The following LONP2 variants were observed in gnomAD, a reference collection of about 807,000 sequenced individuals.
LONP2 encodes lon protease homolog 2, peroxisomal.
In LONP2, 60 loss-of-function variants were observed where a neutral mutation model predicts 85.6. That is an observed-to-expected ratio of 0.70 (90% confidence interval 0.57 to 0.87). The LOEUF (loss-of-function observed/expected upper bound fraction) is 0.87. LONP2 is among the 40% of genes least tolerant of loss of function. LONP2 has a pLI of 0.00. For synonymous variants in LONP2, 395 were observed against 389.7 expected, an observed-to-expected ratio of 1.01 and a Z score of -0.16; for missense variants, 860 against 1,063.5, an observed-to-expected ratio of 0.81 and a Z score of 2.66.
intron 14 of LONP2, among the ~76,000 whole-genome samples, chr16:48,348,820 A>G (rs183185002): frequency 6.6e-6 from 1 of 152,172 alleles, no homozygotes; most frequent in Non-Finnish European, 1.5e-5. Context: ...AGATTTGCTA[A>G]GGGAAAAAAA....
At chr16:48,351,120 A>G (rs1437607274) in intron 14 of LONP2, among the ~76,000 whole-genome samples, 2 of 152,172 alleles carry the variant, frequency 1.3e-5, no homozygotes, top group African/African-American at 4.8e-5. Flanking sequence ...TTAGGGATAC[A>G]TTTTCTTCAT....
At chr16:48,257,056 A>G (rs1291470379) in intron 3 of LONP2, among the ~76,000 whole-genome samples, 1 of 152,250 alleles carries the variant, frequency 6.6e-6, no homozygotes, top group Non-Finnish European at 1.5e-5. Flanking sequence ...TCACGCCTGT[A>G]GTCCCAGCAC....
intron 11 of LONP2, among the ~76,000 whole-genome samples, chr16:48,309,659 G>C (rs1203795130): frequency 6.6e-6 from 1 of 152,130 alleles, no homozygotes; most frequent in East Asian, 1.9e-4. Context: ...ATTTTTGAGA[G>C]TTTCTCTTCA....
At position 48,256,289 on chromosome 16, in the gene LONP2, T is replaced by C. The variant is rs1241757520; in HGVS notation, c.469-321T>C. On this transcript the variant is annotated intron_variant, in intron 2 of 14. Transcript: ENST00000285737. ...CTGGAAGAAGGATGTACAGGAGTTA[T>C]TGTATGATTCTTGCAACTTTTTTGT... Among the ~76,000 whole-genome samples the C allele has an allele frequency of 6.6e-5, 10 of 152,240 alleles. No individual in the cohort carries two copies. In the South Asian group the frequency reaches 1.4e-3, roughly 22 times the overall value.
At position 48,356,324 on chromosome 16, in the gene LONP2, C is replaced by T. The variant is rs376272068; in HGVS notation, c.*4522C>T. On this transcript the variant is annotated 3_prime_UTR_variant, in exon 15 of 15. Transcript: ENST00000285737. ...TGAAATGAGGTCAACTTGACTATTA[C>T]TAAGGGACATTTTGCTACAAAGAAT... is the stretch of plus-strand genomic sequence containing the variant. The T allele has an allele frequency of 1.3e-3, 198 of 153,698 alleles. 4 individuals carry two copies. In the South Asian group the frequency reaches 0.02, roughly 15 times the overall value. The allele number at this position is 153,698 out of a possible 1,614,324, so 9.5% of individuals were successfully genotyped here. A position where few individuals can be genotyped will look rare whatever the true frequency, so the allele number is the denominator to read the frequency against.
intron 8 of LONP2, among the ~76,000 whole-genome samples, chr16:48,285,415 A>G (rs1456239689): frequency 3.9e-5 from 6 of 152,070 alleles, no homozygotes; most frequent in African/African-American, 1.4e-4. Flanking sequence ...TATTTCTTCA[A>G]ATATTCTTTA....
At chr16:48,312,506 G>A (rs1237923923) in intron 11 of LONP2, among the ~76,000 whole-genome samples, 1 of 152,020 alleles carries the variant, frequency 6.6e-6, no homozygotes, top group Non-Finnish European at 1.5e-5. Context: ...GTTGAGTAGG[G>A]TCATTTGGCT....
rs988490772 is a variant in LONP2, at chr16:48,309,819, G to A, written c.1795+6514G>A. Among the ~76,000 whole-genome samples the A allele has an allele frequency of 5.9e-5, 9 of 152,206 alleles. No individual in the cohort carries two copies. The South Asian group carries it at 1.0e-3, about 18-fold the overall frequency. On this transcript the variant is annotated intron_variant, in intron 11 of 14. Transcript: ENST00000285737. ...TAATGAGAAAAATGTATCTTTTGTGGTTGTTGGGTAGAATGTTCTGTAAAT... is the reference window on the plus strand; with the variant it reads ...TAATGAGAAAAATGTATCTTTTGTGATTGTTGGGTAGAATGTTCTGTAAAT...
At chr16:48,277,970 G>A (rs58171488) in intron 8 of LONP2, among the ~76,000 whole-genome samples, 2 of 148,498 alleles carry the variant, frequency 1.3e-5, no homozygotes, top group South Asian at 2.1e-4. Flanking sequence ...TTTTTCTTCC[G>A]TTGTCCCCAC....
downstream of LONP2, among the ~76,000 whole-genome samples, chr16:48,359,962 T>C (rs150646457): frequency 4.6e-5 from 7 of 152,356 alleles, no homozygotes; most frequent in East Asian, 1.3e-3. Context: ...AATCTTGCCA[T>C]GTGCCTCAAA....
intron 11 of LONP2, among the ~76,000 whole-genome samples, chr16:48,322,727 T>TA (rs890111125): frequency 3.9e-5 from 6 of 152,086 alleles, no homozygotes; most frequent in African/African-American, 7.2e-5. Flanking sequence ...TATATAAGAA[T>TA]AAAAAATTTT....
In LONP2 at chr16:48,258,618, AT is replaced by A; in HGVS notation, c.605del (p.Leu202Ter). On this transcript the variant is annotated frameshift_variant and splice_region_variant, in exon 4 of 15. Coordinates refer to ENST00000285737, the MANE Select transcript of LONP2 (RefSeq NM_031490.5). LOFTEE classifies it high-confidence loss of function. ...IRTSNKEKLQ[I>X]LDAVSLEERF... ...TATTGATTGACTCACATTTCCTTAGATTTTAGATGCTGTGAGCCTAGAGGAG... is the reference window on the plus strand; with the variant it reads ...TATTGATTGACTCACATTTCCTTAGATTTAGATGCTGTGAGCCTAGAGGAG... 1 of 1,591,678 alleles carries A rather than the reference AT, an allele frequency of 6.3e-7. No homozygotes were observed. Among genetic ancestry groups the A allele is most frequent in the African/African-American group, 1.4e-5 (1 of 73,540 alleles).
At chr16:48,328,401 C>T (rs1026072909) in intron 11 of LONP2, among the ~76,000 whole-genome samples, 5 of 141,874 alleles carry the variant, frequency 3.5e-5, no homozygotes, top group Non-Finnish European at 7.7e-5. Flanking sequence ...AAAATTGGGC[C>T]GGGCGCAGTG....
At chr16:48,253,286 A>G (rs1343151411) in intron 2 of LONP2, among the ~76,000 whole-genome samples, 1 of 151,960 alleles carries the variant, frequency 6.6e-6, no homozygotes, top group Non-Finnish European at 1.5e-5. Context: ...CCTAGGCAGC[A>G]TGGTGAGATC....
At chr16:48,255,141 A>G (rs1357222161) in intron 2 of LONP2, among the ~76,000 whole-genome samples, 1 of 152,158 alleles carries the variant, frequency 6.6e-6, no homozygotes, top group African/African-American at 2.4e-5. Flanking sequence ...TGCTATGTTA[A>G]CTTCTCTGAA....
chr16:48,276,253 T>C (rs574374603), intron 7 of LONP2, among the ~76,000 whole-genome samples: 112 of 152,338 alleles, frequency 7.4e-4, no homozygotes, highest in Non-Finnish European at 1.4e-3. Context: ...ATTCCCATGA[T>C]ATTTTTAAGG....
At chr16:48,270,594 G>T (rs74016367) in intron 7 of LONP2, among the ~76,000 whole-genome samples, 2,087 of 152,198 alleles carry the variant, frequency 0.014, 48 homozygotes, top group African/African-American at 0.048. Flanking sequence ...CCAGTAGCAT[G>T]CCATAAATAA....
downstream of LONP2, chr16:48,361,515 T>C (rs777877482): frequency 1.9e-6 from 3 of 1,544,156 alleles, no homozygotes; most frequent in East Asian, 2.3e-5. Context: ...GGCAGACAGA[T>C]GGGTGCCTTA....
chr16:48,346,202 T>C (rs1158046347), intron 12 of LONP2: 1 of 152,232 alleles, frequency 6.6e-6, no homozygotes, highest in African/African-American at 2.4e-5. Context: ...AGCTGTATAG[T>C]GCTGTTCCTT....
Sources: allele counts gnomAD v4.1 joint callset (sites outside exome capture counted in the v4.1 genomes callset), GRCh38; gene constraint gnomAD v4.1.1; transcripts MANE v1.5; gene names NCBI Gene and HGNC (gene_info 2026-07-23, HGNC 2026-07-21).